PSD3: variants seen among roughly 807,000 people sequenced by gnomAD.
PSD3 encodes the protein PH and SEC7 domain-containing protein 3.
PSD3 carries 49 observed loss-of-function variants against 105.5 expected under a neutral mutation model. The ratio of observed to expected loss-of-function variants is 0.46; its 90% CI spans 0.37 to 0.59. The LOEUF is 0.59. PSD3 is among the 20% of genes least tolerant of loss of function. PSD3 has a pLI of 0.00. For synonymous variants in PSD3, 557 were observed against 457.8 expected (o/e 1.22, Z -2.77); for missense variants, 1,561 against 1,263.8 (o/e 1.24, Z -3.57).
intron 11 of PSD3, among the ~76,000 whole-genome samples, chr8:18,608,555 C>T (rs1031431402): frequency 6.6e-6 from 1 of 152,146 alleles, no homozygotes; most frequent in African/African-American, 2.4e-5. Flanking sequence ...TTATTATTTT[C>T]TCTTTATTAC....
At chr8:18,810,049 ACC>A (rs1811560524) in intron 4 of PSD3, among the ~76,000 whole-genome samples, 2 of 152,014 alleles carry the variant, frequency 1.3e-5, no homozygotes, top group South Asian at 4.2e-4. Flanking sequence ...CCTGTCCTCT[ACC>A]ATTTCCCTCC....
chr8:18,816,358 T>G (rs1812223444), intron 4 of PSD3, among the ~76,000 whole-genome samples: 1 of 152,222 alleles, frequency 6.6e-6, no homozygotes, highest in Non-Finnish European at 1.5e-5. Flanking sequence ...ATGACCATTC[T>G]GCCAGCAGGA....
At chr8:18,956,530 GA>G (rs1823585219) in intron 1 of PSD3, among the ~76,000 whole-genome samples, 1 of 152,196 alleles carries the variant, frequency 6.6e-6, no homozygotes, top group African/African-American at 2.4e-5. Context: ...TCAATTTAAG[GA>G]AAGGGGTGTG....
intron 1 of PSD3, among the ~76,000 whole-genome samples, chr8:18,938,934 T>C (rs1417023450): frequency 2.0e-5 from 3 of 152,246 alleles, no homozygotes; most frequent in Middle Eastern, 3.4e-3. Context: ...ACCAGGTGCA[T>C]GTATTGAGAA....
intron 2 of PSD3, among the ~76,000 whole-genome samples, chr8:18,929,982 A>G (rs1382819477): frequency 6.6e-6 from 1 of 152,188 alleles, no homozygotes; most frequent in Non-Finnish European, 1.5e-5. Flanking sequence ...TCGTACTTTA[A>G]AATAGGAAAG....
intron 9 of PSD3, among the ~76,000 whole-genome samples, chr8:18,753,919 T>G (rs112571241): frequency 6.6e-6 from 1 of 152,114 alleles, no homozygotes; most frequent in African/African-American, 2.4e-5. Flanking sequence ...TCAAAACAAC[T>G]CCAGATGTAC....
intron 1 of PSD3, among the ~76,000 whole-genome samples, chr8:18,971,069 A>T (rs1448274646): frequency 6.6e-6 from 1 of 152,196 alleles, no homozygotes; most frequent in African/African-American, 2.4e-5. Context: ...GAGACCATGC[A>T]GACCTCACAT....
chr8:18,553,513 G>A (rs1019234468), intron 15 of PSD3, among the ~76,000 whole-genome samples: 4 of 152,132 alleles, frequency 2.6e-5, no homozygotes, highest in East Asian at 1.9e-4. Context: ...GTCAACAAAC[G>A]TGCGTCAATT....
At chr8:18,645,472 C>T (rs551610626) in intron 10 of PSD3, among the ~76,000 whole-genome samples, 2 of 152,298 alleles carry the variant, frequency 1.3e-5, no homozygotes, top group African/African-American at 4.8e-5. Context: ...TCTTTTCTTA[C>T]AGTCAGGGTG....
At chr8:18,642,731 T>G (rs1585477185) in intron 10 of PSD3, among the ~76,000 whole-genome samples, 1 of 152,234 alleles carries the variant, frequency 6.6e-6, no homozygotes, top group East Asian at 1.9e-4. Context: ...TCATCATATT[T>G]AGAAATATTT....
chr8:18,975,913 T>G (rs983942212), intron 1 of PSD3, among the ~76,000 whole-genome samples: 2 of 152,196 alleles, frequency 1.3e-5, no homozygotes, highest in African/African-American at 4.8e-5. Flanking sequence ...CATACCCTGA[T>G]GGTCAACCTA....
intron 9 of PSD3, among the ~76,000 whole-genome samples, chr8:18,689,231 C>A (rs1014074885): frequency 5.3e-5 from 8 of 152,164 alleles, no homozygotes; most frequent in Non-Finnish European, 8.8e-5. Context: ...GAGCAGCTCA[C>A]ATTCAGTCGG....
rs528397382 is a variant in PSD3 at position 18,605,052 on chromosome 8, C to T, written c.2411-4618G>A. 3.3e-5 allele frequency among the ~76,000 whole-genome samples: 5 copies of T among 152,332 alleles called. No individual in the cohort carries two copies. In the East Asian group the frequency reaches 7.7e-4, roughly 24 times the overall value. ...GGCTAATGCAGGGTTAAAGCCCTCA[C>T]ACAGAGTTCCAACTGGGGTGCTACC... On this transcript the variant is annotated intron_variant, in intron 11 of 15. Transcript: ENST00000327040.
At chr8:18,691,103 C>T (rs73666691) in intron 9 of PSD3, among the ~76,000 whole-genome samples, 1,926 of 152,238 alleles carry the variant, frequency 0.013, 39 homozygotes, top group African/African-American at 0.044. Flanking sequence ...GCTTTTGATT[C>T]CATCTGTTCC....
intron 15 of PSD3, among the ~76,000 whole-genome samples, chr8:18,545,295 C>T (rs1461062431): frequency 6.6e-6 from 1 of 152,122 alleles, no homozygotes; most frequent in Non-Finnish European, 1.5e-5. Flanking sequence ...CGGTTCCAAA[C>T]CACAAACAGA....
rs1429086508 is a variant in PSD3 at position 18,532,577 on chromosome 8, T to C, written c.*3166A>G. 1 of 152,154 alleles carries C rather than the reference T, an allele frequency of 6.6e-6. No individual in the cohort carries two copies. Among genetic ancestry groups the C allele is most frequent in the Non-Finnish European group, 1.5e-5 (1 of 68,048 alleles). The allele number at this position is 152,154 out of a possible 1,614,324, so 9.4% of individuals were successfully genotyped here. On this transcript the variant is annotated 3_prime_UTR_variant, in exon 16 of 16. Coordinates refer to ENST00000327040, the MANE Select transcript of PSD3 (RefSeq NM_015310.4). Reference sequence around the variant, plus strand: ...ATCAGAGGACTCTCTCCCATCATGGTTTTGCTGAGATTAATTAAAATTCAC... The same window carrying C: ...ATCAGAGGACTCTCTCCCATCATGGCTTTGCTGAGATTAATTAAAATTCAC...
intron 1 of PSD3, among the ~76,000 whole-genome samples, chr8:19,067,374 G>T (rs1370844349): frequency 6.6e-6 from 1 of 152,174 alleles, no homozygotes; most frequent in Non-Finnish European, 1.5e-5. Flanking sequence ...GGCTTCATTT[G>T]AGGGATAAGA....
At chr8:19,017,915 C>G (rs1827228399), upstream of PSD3, among the ~76,000 whole-genome samples, 1 of 152,194 alleles carries the variant, frequency 6.6e-6, no homozygotes, top group African/African-American at 2.4e-5. Context: ...TTTCTCTTTT[C>G]CATTCTACCT....
At chr8:18,769,653 G>A (rs569856434) in intron 8 of PSD3, among the ~76,000 whole-genome samples, 1 of 152,112 alleles carries the variant, frequency 6.6e-6, no homozygotes, top group African/African-American at 2.4e-5. Flanking sequence ...CCTCACTAGG[G>A]ACCACCTGGC....
Sources: gnomAD v4.1 joint callset for allele counts (sites outside exome capture counted in the v4.1 genomes callset) on GRCh38, gnomAD v4.1.1 for gene constraint, MANE v1.5 for transcripts, NCBI Gene and HGNC (gene_info 2026-07-23, HGNC 2026-07-21) for gene names.